The following DCLK1 variants were observed in gnomAD, a reference collection of about 807,000 sequenced individuals.
The protein encoded by DCLK1 is doublecortin like kinase 1, also known as serine/threonine-protein kinase DCLK1.
Under a neutral mutation model 86.2 loss-of-function variants are expected in DCLK1, and 16 were observed. That is an observed-to-expected ratio of 0.19 (90% CI 0.13 to 0.28). The LOEUF (loss-of-function observed/expected upper bound fraction) is 0.28. DCLK1 is among the 10% of genes least tolerant of loss of function. DCLK1 has a pLI of 1.00. For synonymous variants in DCLK1, 369 were observed against 370.5 expected (o/e 1.00, Z 0.05); for missense variants, 590 against 940.2 (o/e 0.63, Z 4.87).
intron 4 of DCLK1, among the ~76,000 whole-genome samples, chr13:35,877,255 A>C (rs1340154870): frequency 3.3e-5 from 5 of 152,224 alleles, no homozygotes; most frequent in Admixed American, 6.5e-5. Context: ...TATAAGGAGG[A>C]GGTGGAACAT....
chr13:35,825,590 G>A (rs1039504272), intron 10 of DCLK1, among the ~76,000 whole-genome samples: 7 of 150,946 alleles, frequency 4.6e-5, no homozygotes, highest in African/African-American at 1.7e-4. Context: ...AGCCAACAGT[G>A]GGGGTAAGTC....
chr13:35,963,005 C>G (rs1878539609), intron 3 of DCLK1, among the ~76,000 whole-genome samples: 3 of 152,192 alleles, frequency 2.0e-5, no homozygotes, highest in Admixed American at 2.0e-4. Context: ...ACCTCCTTGA[C>G]TTCTAAGATA....
At chr13:35,786,442 G>A (rs6563160) in intron 16 of DCLK1, among the ~76,000 whole-genome samples, 34,969 of 151,834 alleles carry the variant, frequency 0.23, 4,498 homozygotes, top group East Asian at 0.38. Context: ...GATTTCTATA[G>A]AGTACAAAAC....
intron 3 of DCLK1, among the ~76,000 whole-genome samples, chr13:36,082,319 T>C (rs561159032): frequency 5.4e-4 from 82 of 152,328 alleles, no homozygotes; most frequent in Admixed American, 8.5e-4. Flanking sequence ...AATAATATTT[T>C]CTTTTCCCTA....
At chr13:35,811,277 G>C (rs1292473518) in intron 11 of DCLK1, among the ~76,000 whole-genome samples, 1 of 151,780 alleles carries the variant, frequency 6.6e-6, no homozygotes, top group Non-Finnish European at 1.5e-5. Flanking sequence ...TTTGGGAAAT[G>C]AGCAGAGCAA....
intron 3 of DCLK1, among the ~76,000 whole-genome samples, chr13:36,021,641 C>T (rs1366060253): frequency 6.6e-6 from 1 of 151,900 alleles, no homozygotes; most frequent in Non-Finnish European, 1.5e-5. Flanking sequence ...AAAATTGTTC[C>T]TAGAGACAAA....
At chr13:36,082,311 T>C (rs1460500712) in intron 3 of DCLK1, among the ~76,000 whole-genome samples, 1 of 152,190 alleles carries the variant, frequency 6.6e-6, no homozygotes, top group African/African-American at 2.4e-5. Flanking sequence ...TTTATCTTAA[T>C]AATATTTTCT....
intron 3 of DCLK1, among the ~76,000 whole-genome samples, chr13:36,060,345 T>C (rs1412700701): frequency 6.6e-6 from 1 of 152,186 alleles, no homozygotes; most frequent in East Asian, 1.9e-4. Flanking sequence ...TCATAGCTGA[T>C]TGTCTGTCTT....
At chr13:35,848,531 A>G in intron 6 of DCLK1, 2 of 985,264 alleles carry the variant, frequency 2.0e-6, no homozygotes, top group Non-Finnish European at 2.4e-6. Context: ...CTTGAATGGA[A>G]AGTTGGCCAT....
chr13:36,050,884 T>C (rs144803353), intron 3 of DCLK1, among the ~76,000 whole-genome samples: 1 of 152,198 alleles, frequency 6.6e-6, no homozygotes, highest in East Asian at 1.9e-4. Flanking sequence ...AGTGGACCAG[T>C]TCAGAAACCA....
intron 16 of DCLK1, among the ~76,000 whole-genome samples, chr13:35,785,734 G>A (rs2086610013): frequency 6.6e-6 from 1 of 152,154 alleles, no homozygotes; most frequent in Admixed American, 6.5e-5. Context: ...ACAGCCATGA[G>A]CGCTTTAAAC....
chr13:36,024,930 A>G (rs1205400642), intron 3 of DCLK1, among the ~76,000 whole-genome samples: 1 of 151,722 alleles, frequency 6.6e-6, no homozygotes, highest in African/African-American at 2.4e-5. Context: ...AAATAAACCT[A>G]TACATTTATG....
At chr13:35,823,652 A>G (rs2087450042) in intron 10 of DCLK1, among the ~76,000 whole-genome samples, 1 of 152,186 alleles carries the variant, frequency 6.6e-6, no homozygotes, top group African/African-American at 2.4e-5. Context: ...AGTTCCATTT[A>G]TTCAAAAATC....
chr13:35,915,403 T>C (rs1232537896), intron 4 of DCLK1, among the ~76,000 whole-genome samples: 1 of 152,122 alleles, frequency 6.6e-6, no homozygotes, highest in Non-Finnish European at 1.5e-5. Flanking sequence ...AGTTACCTAT[T>C]CAAAGATGAG....
intron 15 of DCLK1, among the ~76,000 whole-genome samples, chr13:35,795,402 C>G (rs2086788000): frequency 6.6e-6 from 1 of 152,234 alleles, no homozygotes; most frequent in Admixed American, 6.5e-5. Flanking sequence ...AAGCCTTCAT[C>G]TCCATTAGGA....
At chr13:35,872,283 G>A (rs1016793132) in intron 4 of DCLK1, among the ~76,000 whole-genome samples, 2 of 152,092 alleles carry the variant, frequency 1.3e-5, no homozygotes, top group Non-Finnish European at 2.9e-5. Flanking sequence ...TTGGAGGGGG[G>A]TATAGAAACT....
At chr13:35,777,850 A>C (rs1233907203) in intron 16 of DCLK1, among the ~76,000 whole-genome samples, 1 of 152,164 alleles carries the variant, frequency 6.6e-6, no homozygotes. Context: ...TGCTTAGAGA[A>C]AGTATTTTAG....
intron 3 of DCLK1, among the ~76,000 whole-genome samples, chr13:36,058,956 C>A (rs189900065): frequency 2.4e-4 from 36 of 152,222 alleles, no homozygotes; most frequent in African/African-American, 8.2e-4. Context: ...AATTGACATT[C>A]GTGGCCAAAG....
intron 4 of DCLK1, among the ~76,000 whole-genome samples, chr13:35,882,310 C>T (rs781708894): frequency 1.3e-5 from 2 of 152,150 alleles, no homozygotes; most frequent in Non-Finnish European, 2.9e-5. Flanking sequence ...TTGGTTCCCA[C>T]CAGAATAACC....
Sources: allele counts gnomAD v4.1 joint callset (sites outside exome capture counted in the v4.1 genomes callset), GRCh38; gene constraint gnomAD v4.1.1; transcripts MANE v1.5; gene names NCBI Gene and HGNC (gene_info 2026-07-23, HGNC 2026-07-21).